Variants in NCKAP5 observed in about 807,000 individuals in gnomAD.
NCKAP5 encodes the protein NCK associated protein 5.
A neutral mutation model predicts 167.0 loss-of-function variants in NCKAP5; 92 were observed. The observed-to-expected ratio is 0.55, with a 90% CI of 0.47 to 0.66. The LOEUF (loss-of-function observed/expected upper bound fraction) is 0.66. Among genes scored for constraint, NCKAP5 ranks in the 30% least tolerant of loss-of-function variants. The probability of loss-of-function intolerance (pLI) is 0.00; values close to 1 mark genes in which losing one functional copy is unlikely to be tolerated. For missense variants in NCKAP5, 2,378 were observed against 2,315.0 expected (o/e 1.03, Z -0.56); for synonymous variants, 891 against 877.4 (o/e 1.02, Z -0.27).
intron 6 of NCKAP5, among the ~76,000 whole-genome samples, chr2:133,009,830 G>T (rs1433046980): frequency 1.3e-5 from 2 of 152,024 alleles, no homozygotes; most frequent in African/African-American, 4.8e-5. Flanking sequence ...AGCACTTTGG[G>T]AGGCCGAGGT....
chr2:133,056,749 C>T (rs1364577919), intron 6 of NCKAP5, among the ~76,000 whole-genome samples: 1 of 152,160 alleles, frequency 6.6e-6, no homozygotes, highest in Non-Finnish European at 1.5e-5. Context: ...ACATTTGATA[C>T]CGTCATAACT....
chr2:133,571,702 G>C (rs890213875), upstream of NCKAP5, among the ~76,000 whole-genome samples: 3 of 152,146 alleles, frequency 2.0e-5, no homozygotes, highest in African/African-American at 7.2e-5. Flanking sequence ...ACAGCCAAAA[G>C]GTCTCTTAGA....
the NCKAP5 span, among the ~76,000 whole-genome samples, chr2:133,672,091 A>T: frequency 6.6e-6 from 1 of 152,238 alleles, no homozygotes; most frequent in Non-Finnish European, 1.5e-5. Context: ...GATTTTTCAG[A>T]TGGACTTCTT....
At chr2:132,728,685 G>T in intron 18 of NCKAP5, 131 bp downstream of exon 18, 2 of 1,207,256 alleles carry the variant, frequency 1.7e-6, no homozygotes, top group Non-Finnish European at 2.3e-6. Context: ...CCTAGACCTT[G>T]GTTTATATTC....
At chr2:133,011,056 G>A (rs1408852973) in intron 6 of NCKAP5, among the ~76,000 whole-genome samples, 1 of 152,120 alleles carries the variant, frequency 6.6e-6, no homozygotes, top group East Asian at 1.9e-4. Flanking sequence ...CCAAGTGATA[G>A]GATTTTTAAG....
intron 5 of NCKAP5, among the ~76,000 whole-genome samples, chr2:133,192,690 G>A (rs1467619090): frequency 1.3e-5 from 2 of 151,830 alleles, no homozygotes; most frequent in African/African-American, 2.4e-5. Context: ...AAACTAAAAC[G>A]ACAATGAGAT....
chr2:132,945,713 C>G (rs1252758154), intron 8 of NCKAP5, among the ~76,000 whole-genome samples: 1 of 152,160 alleles, frequency 6.6e-6, no homozygotes, highest in African/African-American at 2.4e-5. Context: ...GTACCACACC[C>G]CATGCTAGAT....
chr2:133,018,078 T>A (rs1350417899), intron 6 of NCKAP5, among the ~76,000 whole-genome samples: 2 of 152,148 alleles, frequency 1.3e-5, no homozygotes, highest in African/African-American at 4.8e-5. Context: ...CAAGAAGTGA[T>A]TTGTGCTCTG....
chr2:133,323,451 ATGAAG>A (rs977974165), intron 3 of NCKAP5, among the ~76,000 whole-genome samples: 1 of 152,178 alleles, frequency 6.6e-6, no homozygotes, highest in Non-Finnish European at 1.5e-5. Context: ...GGAGAAGCTG[ATGAAG>A]TTAGCAAGGC....
chr2:133,224,091 C>A (rs534400191), intron 4 of NCKAP5, among the ~76,000 whole-genome samples: 4 of 152,184 alleles, frequency 2.6e-5, no homozygotes, highest in African/African-American at 4.8e-5. Context: ...CCTCTACATC[C>A]TTATCCTATA....
intron 6 of NCKAP5, among the ~76,000 whole-genome samples, chr2:133,119,786 T>A (rs949359608): frequency 6.6e-6 from 1 of 151,162 alleles, no homozygotes; most frequent in African/African-American, 2.4e-5. Flanking sequence ...TGGGTTGGGG[T>A]CCACATAGCC....
At chr2:132,857,147 C>CT (rs950151067) in intron 11 of NCKAP5, among the ~76,000 whole-genome samples, 108 of 150,646 alleles carry the variant, frequency 7.2e-4, no homozygotes, top group Non-Finnish European at 1.3e-3. Flanking sequence ...GCTTAGAGAT[C>CT]TTTTTGTTGG....
chr2:132,895,751 C>T (rs1421673364), intron 8 of NCKAP5, among the ~76,000 whole-genome samples: 3 of 143,814 alleles, frequency 2.1e-5, no homozygotes, highest in African/African-American at 5.1e-5. Flanking sequence ...GATGTGCAGT[C>T]TGAGGCTCAG....
chr2:133,383,930 T>G lies in NCKAP5; in HGVS notation c.70-80820A>C, dbSNP rs528385146. Among the ~76,000 whole-genome samples the G allele has an allele frequency of 1.2e-4, 18 of 152,334 alleles. No homozygotes were observed. In the East Asian group the frequency reaches 3.1e-3, roughly 26 times the overall value. Reference sequence around the variant, plus strand: ...TGGGGTTGTTTTTTTCTTGTAAATTTGAGTTCTTTGTAGATTCTGGATATT... The same window carrying G: ...TGGGGTTGTTTTTTTCTTGTAAATTGGAGTTCTTTGTAGATTCTGGATATT... On this transcript the variant is annotated intron_variant, in intron 3 of 19. Coordinates refer to ENST00000409261, the MANE Select transcript of NCKAP5 (RefSeq NM_207363.3).
intron 5 of NCKAP5, among the ~76,000 whole-genome samples, chr2:133,178,504 CAAAAAAAAAAAAAAAAAAAAAAAAAA>C (rs869253241): frequency 4.2e-5 from 1 of 23,952 alleles, no homozygotes; most frequent in South Asian, 2.0e-3. Flanking sequence ...GACCCTGTCT[CAAAAAAAAAAAAAAAAAAAAAAAAAA>C]AAAAAAAAAA....
At chr2:132,734,866 G>A (rs1010871175) in intron 16 of NCKAP5, among the ~76,000 whole-genome samples, 1 of 152,208 alleles carries the variant, frequency 6.6e-6, no homozygotes, top group Non-Finnish European at 1.5e-5. Flanking sequence ...AAACCCCAAA[G>A]TGGGCTCTGC....
At chr2:133,575,074 T>C in the NCKAP5 span, among the ~76,000 whole-genome samples, 14 of 152,200 alleles carry the variant, frequency 9.2e-5, no homozygotes, top group Non-Finnish European at 1.6e-4. Context: ...TTGCCTGTGC[T>C]TTCTCCAAAC....
chr2:132,750,420 G>A (rs575790798), intron 16 of NCKAP5, among the ~76,000 whole-genome samples: 3 of 152,186 alleles, frequency 2.0e-5, no homozygotes, highest in Non-Finnish European at 4.4e-5. Context: ...AATATTGAAT[G>A]TGCTTTTGTT....
intron 3 of NCKAP5, among the ~76,000 whole-genome samples, chr2:133,355,958 C>T (rs1440546164): frequency 6.6e-6 from 1 of 151,734 alleles, no homozygotes; most frequent in Non-Finnish European, 1.5e-5. Flanking sequence ...GACAGGGTCT[C>T]CATCTGTCGC....
Sources: gnomAD v4.1 joint callset for allele counts (sites outside exome capture counted in the v4.1 genomes callset) on GRCh38, gnomAD v4.1.1 for gene constraint, MANE v1.5 for transcripts, NCBI Gene and HGNC (gene_info 2026-07-23, HGNC 2026-07-21) for gene names.